Variants in DCDC2C observed in about 807,000 individuals in gnomAD.
DCDC2C encodes the protein doublecortin domain-containing protein 2C.
DCDC2C carries 44 observed loss-of-function variants against 45.0 expected under a neutral mutation model. That is an observed-to-expected ratio of 0.98 (90% CI 0.77 to 1.26). The LOEUF (loss-of-function observed/expected upper bound fraction) is 1.26, where lower values mean the gene tolerates loss of function less well. Among genes scored for constraint, DCDC2C ranks in the 50% most tolerant of loss-of-function variants. The pLI is 0.00. For missense variants in DCDC2C, 447 were observed against 468.9 expected (o/e 0.95, Z 0.43); for synonymous variants, 187 against 178.8 (o/e 1.05, Z -0.37).
chr2:3,766,299 T>TACACACACACGC (rs1558216452), intron 6 of DCDC2C, among the ~76,000 whole-genome samples: 1 of 146,492 alleles, frequency 6.8e-6, no homozygotes, highest in African/African-American at 2.6e-5. Context: ...TACATACACA[T>TACACACACACGC]ACACACACAC....
At chr2:3,767,420 G>A (rs1402781472) in intron 6 of DCDC2C, among the ~76,000 whole-genome samples, 2 of 152,236 alleles carry the variant, frequency 1.3e-5, no homozygotes, top group Non-Finnish European at 2.9e-5. Context: ...AAAACCAGAG[G>A]CGCCTCCTTT....
At chr2:3,762,772 A>G (rs1669914760) in intron 6 of DCDC2C, among the ~76,000 whole-genome samples, 1 of 152,164 alleles carries the variant, frequency 6.6e-6, no homozygotes, top group African/African-American at 2.4e-5. Flanking sequence ...ACAAACATCC[A>G]AACTATATCA....
intron 2 of DCDC2C, among the ~76,000 whole-genome samples, chr2:3,710,410 A>G (rs1270552814): frequency 2.0e-5 from 3 of 151,814 alleles, no homozygotes; most frequent in East Asian, 1.9e-4. Flanking sequence ...CCCTGTGCCC[A>G]TGTGTTCTTA....
chr2:3,847,283 G>A lies in DCDC2C; in HGVS notation c.*100G>A. On this transcript the variant is annotated 3_prime_UTR_variant, in exon 11 of 11. Transcript: ENST00000399143. Reference sequence around the variant, plus strand: ...TAACAGCAAGAAAATCACATGTGGGGTGAAACTAAAGCCCCACACAGTGGT... The same window carrying A: ...TAACAGCAAGAAAATCACATGTGGGATGAAACTAAAGCCCCACACAGTGGT... The A allele has an allele frequency of 1.2e-6, 1 of 864,274 alleles. No homozygotes were observed. The highest frequency in any genetic ancestry group is 3.3e-5 in the East Asian group (1 of 30,034). The allele number at this position is 864,274 out of a possible 1,614,324, so 53.5% of individuals were successfully genotyped here. A position where few individuals can be genotyped will look rare whatever the true frequency, so the allele number is the denominator to read the frequency against.
At chr2:3,757,296 C>T (rs556662019) in intron 6 of DCDC2C, among the ~76,000 whole-genome samples, 12 of 151,810 alleles carry the variant, frequency 7.9e-5, no homozygotes, top group Non-Finnish European at 1.3e-4. Context: ...AAAGAAGGTA[C>T]AAAATTAAAA....
chr2:3,774,304 C>T (rs555021287), intron 8 of DCDC2C, among the ~76,000 whole-genome samples: 141 of 152,284 alleles, frequency 9.3e-4, no homozygotes, highest in African/African-American at 3.1e-3. Context: ...CTGTAAGGAA[C>T]GGGAAACTTC....
chr2:3,738,002 G>A (rs1378945988), intron 3 of DCDC2C, among the ~76,000 whole-genome samples: 8 of 152,000 alleles, frequency 5.3e-5, no homozygotes, highest in Admixed American at 3.9e-4. Context: ...TTAACAGAGT[G>A]ACTCATGCCA....
intron 3 of DCDC2C, 107 bp from the exon 4 acceptor site, chr2:3,741,813 T>C: frequency 8.3e-7 from 1 of 1,203,502 alleles, no homozygotes; most frequent in South Asian, 1.6e-5. Flanking sequence ...GGCTGCTTAG[T>C]GCATCTCATT....
At chr2:3,756,374 T>C (rs1359222735) in intron 6 of DCDC2C, among the ~76,000 whole-genome samples, 1 of 152,204 alleles carries the variant, frequency 6.6e-6, no homozygotes, top group Admixed American at 6.5e-5. Context: ...CTCCCTACTG[T>C]GACACACTGG....
chr2:3,718,826 C>T (rs73140882), intron 2 of DCDC2C, among the ~76,000 whole-genome samples: 2,457 of 152,232 alleles, frequency 0.016, 53 homozygotes, highest in Admixed American at 0.058. Context: ...AAAGGTGGCA[C>T]GGACCCAAAG....
At chr2:3,711,173 C>T (rs1164923565) in intron 2 of DCDC2C, among the ~76,000 whole-genome samples, 1 of 152,204 alleles carries the variant, frequency 6.6e-6, no homozygotes, top group Admixed American at 6.5e-5. Context: ...AGAAAGAGAA[C>T]ACTTTTACAC....
At chr2:3,804,856 A>G (rs1196559228) in intron 10 of DCDC2C, among the ~76,000 whole-genome samples, 1 of 152,224 alleles carries the variant, frequency 6.6e-6, no homozygotes. Flanking sequence ...ATGCGGATTG[A>G]GGAAAAGTGC....
rs146966364 is a variant in DCDC2C at position 3,718,207 on chromosome 2, G to A, written c.340-8796G>A. Among the ~76,000 whole-genome samples the A allele has an allele frequency of 3.1e-3, 470 of 152,272 alleles. 2 individuals carry two copies. The highest frequency in any genetic ancestry group is 0.011 in the African/African-American group (438 of 41,536). On this transcript the variant is annotated intron_variant, in intron 2 of 10. Transcript: ENST00000399143. ...AATGAAGCAGTGATTGAGTACTTACGGGAAGGCTGGTGGCTGGCAGGATCT... is the reference window on the plus strand; with the variant it reads ...AATGAAGCAGTGATTGAGTACTTACAGGAAGGCTGGTGGCTGGCAGGATCT...
At chr2:3,754,329 G>A (rs1172010151) in intron 5 of DCDC2C, among the ~76,000 whole-genome samples, 4 of 152,358 alleles carry the variant, frequency 2.6e-5, no homozygotes, top group African/African-American at 7.2e-5. Flanking sequence ...CACTTGCAAA[G>A]GCAGCAGGTA....
rs560712226 is a variant in DCDC2C at position 3,795,172 on chromosome 2, A to G, written c.1065+10072A>G. On this transcript the variant is annotated intron_variant, in intron 10 of 10. Transcript: ENST00000399143. ...GCTGCATAAATGTCTTCTTTTGAGA[A>G]GTGTCTGTTTATGTCCTTCGCCCAC... Among the ~76,000 whole-genome samples, 849 of 151,872 alleles carry G rather than the reference A, an allele frequency of 5.6e-3. 8 individuals carry two copies. Among genetic ancestry groups the G allele is most frequent in the African/African-American group, 0.02 (809 of 41,426 alleles).
intron 9 of DCDC2C, among the ~76,000 whole-genome samples, chr2:3,783,816 G>A (rs142233823): frequency 7.4e-4 from 112 of 152,324 alleles, no homozygotes; most frequent in South Asian, 1.7e-3. Flanking sequence ...GTCTCAAAAG[G>A]CTAAATCAGA....
At chr2:3,733,252 T>C (rs1036630253) in intron 3 of DCDC2C, among the ~76,000 whole-genome samples, 3 of 152,236 alleles carry the variant, frequency 2.0e-5, no homozygotes, top group African/African-American at 7.2e-5. Flanking sequence ...TGTTTAGAAT[T>C]TTCCCAAGGG....
At chr2:3,785,234 C>T (rs1296610332) in intron 10 of DCDC2C, 134 bp downstream of exon 10, 2 of 585,892 alleles carry the variant, frequency 3.4e-6, no homozygotes, top group East Asian at 7.0e-5. Flanking sequence ...GTCATACACC[C>T]TAGCTCTATT....
intron 2 of DCDC2C, among the ~76,000 whole-genome samples, chr2:3,724,694 G>A (rs1668589291): frequency 1.3e-5 from 2 of 152,176 alleles, no homozygotes; most frequent in Non-Finnish European, 2.9e-5. Flanking sequence ...GCTGGGGTCT[G>A]GGTGTCGAGA....
Sources: allele counts gnomAD v4.1 joint callset (sites outside exome capture counted in the v4.1 genomes callset), GRCh38; gene constraint gnomAD v4.1.1; transcripts MANE v1.5; gene names NCBI Gene and HGNC (gene_info 2026-07-23, HGNC 2026-07-21).